ZNF441: variants seen among roughly 807,000 people sequenced by gnomAD.
The protein encoded by ZNF441 is zinc finger protein 441.
A neutral mutation model predicts 64.5 loss-of-function variants in ZNF441; 25 were observed. The observed-to-expected ratio is 0.39, with a 90% CI of 0.28 to 0.54. The LOEUF is 0.54. Among genes scored for constraint, ZNF441 ranks in the 20% least tolerant of loss-of-function variants. The pLI, the probability that ZNF441 is intolerant of heterozygous loss-of-function variation, is 0.70. For synonymous variants in ZNF441, 262 were observed against 268.0 expected (o/e 0.98, Z 0.22); for missense variants, 715 against 843.3 (o/e 0.85, Z 1.88).
Position 11,778,655 on chromosome 19 carries a change from C to G in ZNF441, c.194+262C>G, listed in dbSNP as rs896461042. Among the ~76,000 whole-genome samples the G allele has an allele frequency of 7.9e-5, 12 of 152,254 alleles. 1 individual carries two copies. In the East Asian group the frequency reaches 1.9e-3, roughly 24 times the overall value. ...TAGTTTTTGTAGAGATAGAGTCTTG[C>G]TGTGTTTGACCAGACTCATCTCCAG... On this transcript the variant is annotated intron_variant, in intron 3 of 3. Coordinates refer to ENST00000357901, the MANE Select transcript of ZNF441 (RefSeq NM_152355.3).
chr19:11,774,436 A>G (rs1160119168), intron 1 of ZNF441, among the ~76,000 whole-genome samples: 2 of 152,190 alleles, frequency 1.3e-5, no homozygotes, highest in Non-Finnish European at 2.9e-5. Context: ...AGTTGTATCA[A>G]TCATACATTC....
intron 1 of ZNF441, among the ~76,000 whole-genome samples, chr19:11,772,353 C>T (rs755500504): frequency 3.9e-5 from 6 of 152,158 alleles, no homozygotes; most frequent in Non-Finnish European, 7.3e-5. Flanking sequence ...CTCTCGTCAC[C>T]GCACATGGGG....
At position 11,782,003 on chromosome 19, in the gene ZNF441, A is replaced by G. The variant is rs151118586; in HGVS notation, c.*97A>G. 2.7e-4 allele frequency: 286 copies of G among 1,044,110 alleles called. 1 individual carries two copies. In the East Asian group the frequency reaches 7.0e-3, roughly 25 times the overall value. 64.7% of individuals were successfully genotyped at this position (1,044,110 alleles called of 1,614,324 possible). ...GACTCACACTGAAAAAAGTTGTATG[A>G]ATATAAAAATGTACTAAAACCTTCC... On this transcript the variant is annotated 3_prime_UTR_variant, in exon 4 of 4. Transcript: ENST00000357901.
In ZNF441 at chr19:11,780,567, G is replaced by T; in HGVS notation, c.743G>T (p.Gly248Val). The T allele has an allele frequency of 6.2e-7, 1 of 1,614,134 alleles. No homozygotes were observed. Among genetic ancestry groups the T allele is most frequent in the Non-Finnish European group, 8.5e-7 (1 of 1,180,006 alleles). ...STLRHERTHS[G>V]EKPYQCKQCG... is the part of the protein sequence containing the mutation. ...CTAAGACATGAAAGAACACACAGTG[G>T]AGAGAAACCCTATCAATGTAAACAA... The change falls in exon 4 of 4, where the codon GGA becomes GTA. Residue 248 changes from glycine to valine, a missense_variant. This residue lies in a region of ZNF441 where 399 missense variants were observed against 413.9 expected (regional missense o/e 0.96). Transcript: ENST00000357901.
chr19:11,769,061 G>T (rs1975293191), intron 1 of ZNF441, among the ~76,000 whole-genome samples: 1 of 152,176 alleles, frequency 6.6e-6, no homozygotes. Context: ...CACCCATAGG[G>T]AGGTGGTGAA....
intron 3 of ZNF441, among the ~76,000 whole-genome samples, 156 bp from the exon 4 acceptor site, chr19:11,779,863 A>G (rs1975384286): frequency 6.6e-6 from 1 of 151,450 alleles, no homozygotes; most frequent in African/African-American, 2.4e-5. Context: ...GTGAGCTGAG[A>G]TCACACCACT....
At position 11,783,666 on chromosome 19, in the gene ZNF441, C is replaced by T. The variant is rs923869816; in HGVS notation, c.*1760C>T. 2.0e-5 allele frequency: 3 copies of T among 152,050 alleles called. No homozygotes were observed. Among genetic ancestry groups the T allele is most frequent in the Non-Finnish European group, 4.4e-5 (3 of 68,008 alleles). The allele number at this position is 152,050 out of a possible 1,614,324, so 9.4% of individuals were successfully genotyped here. On this transcript the variant is annotated 3_prime_UTR_variant, in exon 4 of 4. Transcript: ENST00000357901. The stretch of plus-strand genomic sequence containing the variant: ...ATTATGGTAAGTGAAATAAGCCAGG[C>T]ACAGAAAGACAAATACCACATGTTC...
At position 11,767,288 on chromosome 19, in the gene ZNF441, G is replaced by T; in HGVS notation, c.3+92G>T. ...GCTGTGGTGGCACCAGGTCTTCCCC[G>T]CCGGCGACACCCTGGCGCAGCTCGG... On this transcript the variant is annotated intron_variant, in intron 1 of 3. Transcript: ENST00000357901. This position sits in a 1 kb window ranked among gnomAD's most constrained non-coding sequence, Gnocchi z 5.1. The T allele has an allele frequency of 1.3e-6, 2 of 1,533,448 alleles. No homozygotes were observed. The highest frequency in any genetic ancestry group is 1.4e-5 in the African/African-American group (1 of 72,634). The allele number at this position is 1,533,448 out of a possible 1,614,324, so 95.0% of individuals were successfully genotyped here. A position where few individuals can be genotyped will look rare whatever the true frequency, so the allele number is the denominator to read the frequency against.
In ZNF441 at chr19:11,767,102, G is replaced by T; in HGVS notation, c.-92G>T. The T allele has an allele frequency of 1.3e-6, 2 of 1,544,086 alleles. No homozygotes were observed. Among genetic ancestry groups the T allele is most frequent in the South Asian group, 1.2e-5 (1 of 83,774 alleles). ...GCTCCGGGTTCTGTCACTGAGAGAC[G>T]CCCTGGAACGTCTGTGGCAGCTTCT... On this transcript the variant is annotated 5_prime_UTR_variant, in exon 1 of 4. Transcript: ENST00000357901. This position sits in a 1 kb window ranked among gnomAD's most constrained non-coding sequence, Gnocchi z 5.1.
Position 11,782,313 on chromosome 19 carries a change from T to G in ZNF441, c.*407T>G, listed in dbSNP as rs1010621362. 1.3e-5 allele frequency: 2 copies of G among 155,196 alleles called. No individual in the cohort carries two copies. The highest frequency in any genetic ancestry group is 2.9e-5 in the Non-Finnish European group (2 of 70,108). 9.6% of individuals were successfully genotyped at this position (155,196 alleles called of 1,614,324 possible). On this transcript the variant is annotated 3_prime_UTR_variant, in exon 4 of 4. Transcript: ENST00000357901. The stretch of plus-strand genomic sequence containing the variant: ...GCTTCAGTTTCTTTTGAATACAGTC[T>G]TCTCTAGTTTCTGAGGTGAATTGAT...
At chr19:11,776,111 TA>T (rs1234023889) in intron 1 of ZNF441, among the ~76,000 whole-genome samples, 1 of 152,148 alleles carries the variant, frequency 6.6e-6, no homozygotes, top group Non-Finnish European at 1.5e-5. Context: ...ATTGATTAAA[TA>T]AAAAAGAGAA....
chr19:11,781,716 G>A lies in ZNF441; in HGVS notation c.1892G>A (p.Arg631Gln), dbSNP rs772636276. 2.5e-6 allele frequency: 4 copies of A among 1,613,878 alleles called. No homozygotes were observed. The highest frequency in any genetic ancestry group is 1.1e-5 in the South Asian group (1 of 91,066). Residue 631 changes from arginine to glutamine, a missense_variant, in exon 4 of 4, where the codon CGA (arginine) becomes CAA (glutamine). Around this residue, in one of 2 missense-constraint regions of ZNF441, gnomAD observed 316 missense variants for 429.3 expected, o/e 0.74. Transcript: ENST00000357901. ...GCCTTCAGTCATTCAAGTTACTTAC[G>A]AATACACGAAAGAGTTCATACTGGA... ...GKAFSHSSYL[R>Q]IHERVHTGEK...
In ZNF441 at chr19:11,783,625, G is replaced by A. The variant is rs1317928484; in HGVS notation, c.*1719G>A. ...GTAAAATGTTATTGCTAACAACATGGATGGAACTTGAGGTCATTATGGTAA... is the reference window on the plus strand; with the variant it reads ...GTAAAATGTTATTGCTAACAACATGAATGGAACTTGAGGTCATTATGGTAA... On this transcript the variant is annotated 3_prime_UTR_variant, in exon 4 of 4. Transcript: ENST00000357901. 1.3e-5 allele frequency: 2 copies of A among 152,188 alleles called. No homozygotes were observed. Among genetic ancestry groups the A allele is most frequent in the Admixed American group, 6.5e-5 (1 of 15,276 alleles). The allele number at this position is 152,188 out of a possible 1,614,324, so 9.4% of individuals were successfully genotyped here.
intron 2 of ZNF441, 116 bp downstream of exon 2, chr19:11,777,853 A>G: frequency 8.2e-7 from 1 of 1,220,526 alleles, no homozygotes; most frequent in Non-Finnish European, 1.1e-6. Flanking sequence ...TGAACCAGCC[A>G]CCCAAGCAGT....
At position 11,767,880 on chromosome 19, in the gene ZNF441, G is replaced by A. The variant is rs569801908; in HGVS notation, c.3+684G>A. Among the ~76,000 whole-genome samples the A allele has an allele frequency of 6.6e-6, 1 of 152,326 alleles. No individual in the cohort carries two copies. Among genetic ancestry groups the A allele is most frequent in the South Asian group, 2.1e-4 (1 of 4,824 alleles). ...GCCTGACTCTTGGGGAGGCGGCCCC[G>A]CGAGGCAGCGGGGCTGAGGGCACCT... On this transcript the variant is annotated intron_variant, in intron 1 of 3. Transcript: ENST00000357901. This position sits in a 1 kb window ranked among gnomAD's most constrained non-coding sequence, Gnocchi z 5.1.
At chr19:11,768,331 G>A (rs961884683) in intron 1 of ZNF441, among the ~76,000 whole-genome samples, 2 of 152,050 alleles carry the variant, frequency 1.3e-5, no homozygotes, top group African/African-American at 4.8e-5. Flanking sequence ...AAAAGGTTTT[G>A]TGTTTGTGAA....
intron 1 of ZNF441, among the ~76,000 whole-genome samples, chr19:11,768,156 C>T (rs893673192): frequency 6.6e-5 from 10 of 152,122 alleles, no homozygotes; most frequent in Non-Finnish European, 1.3e-4. Flanking sequence ...CCTAACTCCT[C>T]CTAGGGCCGA....
chr19:11,780,641 A>G lies in ZNF441; in HGVS notation c.817A>G (p.Thr273Ala), dbSNP rs1975394002. 1 of 1,614,170 alleles carries G rather than the reference A, an allele frequency of 6.2e-7. No homozygotes were observed. Among genetic ancestry groups the G allele is most frequent in the African/African-American group, 1.3e-5 (1 of 75,044 alleles). The change falls in exon 4 of 4, where the codon ACT becomes GCT. Residue 273 changes from threonine (T) to alanine (A), a missense_variant. Thr to Ala is a moderately conservative substitution (Grantham distance 58). Around this residue, in one of 2 missense-constraint regions of ZNF441, gnomAD observed 399 missense variants for 413.9 expected, o/e 0.96. Transcript: ENST00000357901. Reference sequence around the variant, plus strand: ...CTGTTACACTCAACTATATGAAAGGACTCACACTGGAGAACAATCCTATGA... The same window carrying G: ...CTGTTACACTCAACTATATGAAAGGGCTCACACTGGAGAACAATCCTATGA... Reference protein sequence around the residue: ...CSCYTQLYERTHTGEQSYECK... With the variant: ...CSCYTQLYERAHTGEQSYECK...
Position 11,781,965 on chromosome 19 carries a change from C to G in ZNF441, c.*59C>G. 1.5e-6 allele frequency: 2 copies of G among 1,377,168 alleles called. No individual in the cohort carries two copies. Among genetic ancestry groups the G allele is most frequent in the Non-Finnish European group, 1.9e-6 (2 of 1,026,498 alleles). The allele number at this position is 1,377,168 out of a possible 1,614,324, so 85.3% of individuals were successfully genotyped here. A position where few individuals can be genotyped will look rare whatever the true frequency, so the allele number is the denominator to read the frequency against. Reference sequence around the variant, plus strand: ...AGCCTTAAGTACTTTCAGCTTCTTACAAATACATAAGAGACTCACACTGAA... The same window carrying G: ...AGCCTTAAGTACTTTCAGCTTCTTAGAAATACATAAGAGACTCACACTGAA... On this transcript the variant is annotated 3_prime_UTR_variant, in exon 4 of 4. Transcript: ENST00000357901.
Sources: allele counts gnomAD v4.1 joint callset (sites outside exome capture counted in the v4.1 genomes callset), GRCh38; gene constraint gnomAD v4.1.1; regional missense constraint gnomAD v4.1.1; non-coding constraint Gnocchi (gnomAD v3.1); transcripts MANE v1.5; gene names NCBI Gene and HGNC (gene_info 2026-07-23, HGNC 2026-07-21).